CWH43: variants seen among roughly 807,000 people sequenced by gnomAD.
CWH43 encodes cell wall biogenesis 43 C-terminal homolog, also known as PGAP2-interacting protein.
A neutral mutation model predicts 85.7 loss-of-function variants in CWH43; 91 were observed. That is an observed-to-expected ratio of 1.06 (90% CI 0.90 to 1.26). CWH43 has a LOEUF of 1.26. CWH43 is among the 50% of genes most tolerant of loss of function. The pLI is 0.00. For missense variants in CWH43, 869 were observed against 839.2 expected, an observed-to-expected ratio of 1.04 and a Z score of -0.44; for synonymous variants, 323 against 293.6, an observed-to-expected ratio of 1.10 and a Z score of -1.02.
chr4:49,001,963 GTAT>G (rs2109758283), intron 6 of CWH43, among the ~76,000 whole-genome samples: 1 of 152,104 alleles, frequency 6.6e-6, no homozygotes, highest in African/African-American at 2.4e-5. Context: ...AAGATTTTTG[GTAT>G]TATTACATAT....
chr4:49,052,716 G>A (rs1339310746), intron 15 of CWH43, among the ~76,000 whole-genome samples: 3 of 152,094 alleles, frequency 2.0e-5, no homozygotes, highest in Admixed American at 6.6e-5. Flanking sequence ...GTTTAATTAC[G>A]AAAATAGTAA....
intron 11 of CWH43, 95 bp from the exon 12 acceptor site, chr4:49,032,471 T>G (rs1262407644): frequency 1.5e-6 from 2 of 1,367,080 alleles, no homozygotes; most frequent in Non-Finnish European, 2.1e-6. Context: ...ATGTGTGCAG[T>G]GGGACACATC....
rs1783073834 is a variant in CWH43 at position 49,003,913 on chromosome 4, A to G, written c.981A>G (p.Ile327Met). 1.2e-6 allele frequency: 2 copies of G among 1,613,774 alleles called. No individual in the cohort carries two copies. Among genetic ancestry groups the G allele is most frequent in the Non-Finnish European group, 1.7e-6 (2 of 1,179,870 alleles). ...CCATGATATTTTATCTTCTAGAAAT[A>G]TTTTTCTGTGCCTGGTGCACAGCTT... is the stretch of plus-strand genomic sequence containing the variant. Reference protein sequence around the residue: ...TIAMIFYLLEIFFCAWCTAFK... With the variant: ...TIAMIFYLLEMFFCAWCTAFK... The change falls in exon 7 of 16, where the codon ATA becomes ATG. Residue 327 changes from isoleucine (I) to methionine (M), a missense_variant. Ile to Met is a conservative substitution (Grantham distance 10). Around this residue, in one of 3 missense-constraint regions of CWH43, gnomAD observed 577 missense variants for 513.1 expected, o/e 1.12. Coordinates refer to ENST00000226432, the MANE Select transcript of CWH43 (RefSeq NM_025087.3).
At chr4:48,997,534 C>A (rs1384150765) in intron 5 of CWH43, among the ~76,000 whole-genome samples, 1 of 152,118 alleles carries the variant, frequency 6.6e-6, no homozygotes, top group African/African-American at 2.4e-5. Flanking sequence ...AAAAGATCCA[C>A]ACTGTCCTTC....
rs541876006 is a variant in CWH43, at chr4:48,993,395, C to G, written c.512-1224C>G. Among the ~76,000 whole-genome samples, 3 of 152,252 alleles carry G rather than the reference C, an allele frequency of 2.0e-5. No individual in the cohort carries two copies. The South Asian group carries it at 6.2e-4, about 32-fold the overall frequency. ...ACCGCCTTCTCCCATTCCATCCCAT[C>G]CCCATAGCTCTCGGCTCTGCCCCTC... On this transcript the variant is annotated intron_variant, in intron 4 of 15. Transcript: ENST00000226432.
rs35489918 is a variant in CWH43, at chr4:49,020,384, TAC to T, written c.1266+3088_1266+3089del. Among the ~76,000 whole-genome samples the T allele has an allele frequency of 0.012, 1,457 of 120,040 alleles. 47 individuals carry two copies. The East Asian group carries it at 0.12, about 10-fold the overall frequency. The allele number at this position is 120,040 out of a possible 152,430, so 78.8% of individuals were successfully genotyped here. A position where few individuals can be genotyped will look rare whatever the true frequency, so the allele number is the denominator to read the frequency against. On this transcript the variant is annotated intron_variant, in intron 9 of 15. Coordinates refer to ENST00000226432, the MANE Select transcript of CWH43 (RefSeq NM_025087.3). ...TTTTTATGGCTGAATAGTATTCCAT[TAC>T]ACACACACACACACACACACACACA...
At chr4:49,041,900 G>A (rs1236834090) in intron 13 of CWH43, among the ~76,000 whole-genome samples, 1 of 152,154 alleles carries the variant, frequency 6.6e-6, no homozygotes, top group Non-Finnish European at 1.5e-5. Context: ...TTAGTCTAAT[G>A]GCCATACTTT....
At chr4:49,053,161 T>A (rs537526460) in intron 15 of CWH43, among the ~76,000 whole-genome samples, 1 of 152,180 alleles carries the variant, frequency 6.6e-6, no homozygotes, top group Non-Finnish European at 1.5e-5. Context: ...TGTATGTTTG[T>A]GTATAGCTGC....
intron 9 of CWH43, among the ~76,000 whole-genome samples, chr4:49,026,953 G>A (rs1783934808): frequency 6.6e-6 from 1 of 152,160 alleles, no homozygotes; most frequent in Non-Finnish European, 1.5e-5. Flanking sequence ...AGTTCTTTAA[G>A]GAATCTCTAA....
chr4:48,998,540 G>A lies in CWH43; in HGVS notation c.794G>A (p.Trp265Ter). 6.2e-7 allele frequency: 1 copy of A among 1,613,106 alleles called. No individual in the cohort carries two copies. The highest frequency in any genetic ancestry group is 8.5e-7 in the Non-Finnish European group (1 of 1,179,130). Residue 265 changes from tryptophan (W) to a stop codon, truncating the protein, a stop_gained, in exon 6 of 16, where the codon TGG becomes TAG. Coordinates refer to ENST00000226432, the MANE Select transcript of CWH43 (RefSeq NM_025087.3). LOFTEE classifies it high-confidence loss of function. ...TTTCGTGGTACTGGTTTGATCTGGT[G>A]GGTTACAGGTATGTGGAATTTACCT... ...LWFRGTGLIWWVTGTASAAGL... is the reference protein window; with the variant it reads ...LWFRGTGLIW
intron 9 of CWH43, among the ~76,000 whole-genome samples, chr4:49,025,931 C>A (rs1380491315): frequency 6.6e-6 from 1 of 152,036 alleles, no homozygotes; most frequent in Non-Finnish European, 1.5e-5. Flanking sequence ...TGTCCTTTTT[C>A]TTCAGCTACC....
Position 48,991,558 on chromosome 4 carries a change from G to C in CWH43, c.340G>C (p.Gly114Arg), listed in dbSNP as rs768932569. Reference sequence around the variant, plus strand: ...AGTGCAAGCTGTGACTTGGTGGTCAGGAAGTCATTTGCAAAGGTATGGTTA... The same window carrying C: ...AGTGCAAGCTGTGACTTGGTGGTCACGAAGTCATTTGCAAAGGTATGGTTA... Reference protein sequence around the residue: ...LIVQAVTWWSGSHLQRYLRIW... With the variant: ...LIVQAVTWWSRSHLQRYLRIW... Residue 114 changes from glycine (G) to arginine (R), a missense_variant, in exon 3 of 16, where the codon GGA becomes CGA. Physicochemically the swap from Gly to Arg is moderately radical, Grantham distance 125 (BLOSUM62 -2). Around this residue, in one of 3 missense-constraint regions of CWH43, gnomAD observed 152 missense variants for 203.6 expected, o/e 0.75. Transcript: ENST00000226432. 1 of 1,613,978 alleles carries C rather than the reference G, an allele frequency of 6.2e-7. No homozygotes were observed. Among genetic ancestry groups the C allele is most frequent in the Non-Finnish European group, 8.5e-7 (1 of 1,179,954 alleles).
At chr4:49,007,860 C>A (rs1224341948) in intron 8 of CWH43, among the ~76,000 whole-genome samples, 3 of 152,168 alleles carry the variant, frequency 2.0e-5, no homozygotes, top group Non-Finnish European at 4.4e-5. Flanking sequence ...TTTTCTTAAT[C>A]CAGTCTATCA....
chr4:48,998,692 A>G (rs1782895329), intron 6 of CWH43, 144 bp downstream of exon 6: 2 of 645,308 alleles, frequency 3.1e-6, no homozygotes, highest in South Asian at 3.6e-5. Context: ...AGCAACTATA[A>G]TGCAGATGTC....
intron 8 of CWH43, among the ~76,000 whole-genome samples, chr4:49,008,808 G>C (rs1783252167): frequency 6.6e-6 from 1 of 152,046 alleles, no homozygotes; most frequent in Admixed American, 6.6e-5. Context: ...TATTTCTGAG[G>C]CCTCTGTTCT....
rs1782684904 is a variant in CWH43, at chr4:48,992,367, C to T, written c.511+277C>T. ...GGAGACGAGAACCAGGCCTCATATC[C>T]CAGCTGGCATTCAGCTCTGTCTTCC... On this transcript the variant is annotated intron_variant, in intron 4 of 15. Transcript: ENST00000226432. The surrounding 1 kb of genome is among the most constrained non-coding windows in gnomAD (Gnocchi z 4.3). Among the ~76,000 whole-genome samples the T allele has an allele frequency of 2.0e-5, 3 of 152,114 alleles. No homozygotes were observed. Among genetic ancestry groups the T allele is most frequent in the Admixed American group, 2.0e-4 (3 of 15,260 alleles).
chr4:49,042,305 A>G (rs1451988606), intron 13 of CWH43, among the ~76,000 whole-genome samples: 6 of 152,222 alleles, frequency 3.9e-5, no homozygotes, highest in Non-Finnish European at 7.3e-5. Flanking sequence ...TCCCAAGAGA[A>G]CAAGAAAAAG....
intron 13 of CWH43, among the ~76,000 whole-genome samples, chr4:49,039,047 G>C (rs1484850921): frequency 6.7e-6 from 1 of 148,200 alleles, no homozygotes; most frequent in Non-Finnish European, 1.5e-5. Flanking sequence ...GACAGAGCGA[G>C]ACTCTGTCTC....
At chr4:49,057,217 T>G (rs1473404300) in intron 15 of CWH43, among the ~76,000 whole-genome samples, 3 of 152,202 alleles carry the variant, frequency 2.0e-5, no homozygotes, top group Non-Finnish European at 4.4e-5. Flanking sequence ...CCTAAGGTGG[T>G]CAGAGTACAG....
Sources: gnomAD v4.1 joint callset for allele counts (sites outside exome capture counted in the v4.1 genomes callset) on GRCh38, gnomAD v4.1.1 for gene constraint, gnomAD v4.1.1 regional missense constraint, Gnocchi (gnomAD v3.1) non-coding constraint, MANE v1.5 for transcripts, NCBI Gene and HGNC (gene_info 2026-07-23, HGNC 2026-07-21) for gene names.